Variants in ULK2 observed in about 807,000 individuals in gnomAD.
ULK2 encodes serine/threonine-protein kinase ULK2.
ULK2 carries 76 observed loss-of-function variants against 127.5 expected under a neutral mutation model. The ratio of observed to expected loss-of-function variants is 0.60; its 90% CI spans 0.50 to 0.72. The LOEUF (loss-of-function observed/expected upper bound fraction) is 0.72. Ranked by LOEUF, ULK2 falls within the 30% of genes least tolerant of loss-of-function variation. The pLI is 0.00. For synonymous variants in ULK2, 452 were observed against 461.9 expected, an observed-to-expected ratio of 0.98 and a Z score of 0.28; for missense variants, 1,144 against 1,295.9, an observed-to-expected ratio of 0.88 and a Z score of 1.80.
chr17:19,854,123 C>T (rs1396445346), intron 3 of ULK2, among the ~76,000 whole-genome samples: 6 of 151,862 alleles, frequency 4.0e-5, no homozygotes, highest in Non-Finnish European at 8.8e-5. Flanking sequence ...ACTAAAAACA[C>T]AAAAATTAGC....
intron 1 of ULK2, among the ~76,000 whole-genome samples, chr17:19,867,086 G>A (rs967705187): frequency 1.4e-4 from 21 of 152,296 alleles, no homozygotes; most frequent in African/African-American, 5.1e-4. Context: ...ACCGCGGGGT[G>A]GGCCCCGGGC....
In ULK2 at chr17:19,867,855, C is replaced by G. The variant is rs1326290029; in HGVS notation, c.-438G>C. Reference sequence around the variant, plus strand: ...GACGGCGACGGCCGCCGCCCTAGAACCCGCACCGCCGCGGCCCCGCGCTTC... The same window carrying G: ...GACGGCGACGGCCGCCGCCCTAGAAGCCGCACCGCCGCGGCCCCGCGCTTC... On this transcript the variant is annotated 5_prime_UTR_variant, in exon 1 of 27. Transcript: ENST00000395544. 7.3e-5 allele frequency: 11 copies of G among 150,994 alleles called. No homozygotes were observed. Among genetic ancestry groups the G allele is most frequent in the Admixed American group, 5.9e-4 (9 of 15,162 alleles). The allele number at this position is 150,994 out of a possible 1,614,324, so 9.4% of individuals were successfully genotyped here.
intron 9 of ULK2, among the ~76,000 whole-genome samples, chr17:19,839,427 G>A (rs2041681262): frequency 6.6e-6 from 1 of 152,102 alleles, no homozygotes; most frequent in African/African-American, 2.4e-5. Context: ...CACTTTGGGA[G>A]GCCAAGGCAG....
intron 13 of ULK2, among the ~76,000 whole-genome samples, chr17:19,815,231 G>A (rs1253348947): frequency 6.6e-6 from 1 of 152,012 alleles, no homozygotes; most frequent in Non-Finnish European, 1.5e-5. Flanking sequence ...AGGCACTTTA[G>A]CTGTACTTAA....
intron 16 of ULK2, 119 bp from the exon 17 acceptor site, chr17:19,799,694 T>A: frequency 1.1e-6 from 1 of 943,824 alleles, no homozygotes; most frequent in Non-Finnish European, 1.5e-6. Flanking sequence ...TAGAAAATTT[T>A]AAGTAACAAA....
intron 10 of ULK2, among the ~76,000 whole-genome samples, chr17:19,826,822 C>A (rs556121778): frequency 2.6e-5 from 4 of 151,940 alleles, no homozygotes; most frequent in Admixed American, 6.6e-5. Context: ...CTGGGCATGG[C>A]GGCCGGCGCC....
At chr17:19,846,109 G>C (rs112659386) in intron 6 of ULK2, among the ~76,000 whole-genome samples, 4 of 152,160 alleles carry the variant, frequency 2.6e-5, no homozygotes, top group African/African-American at 4.8e-5. Flanking sequence ...CTGGGTGACA[G>C]AGCGAGACTC....
rs200606104 is a variant in ULK2, at chr17:19,840,221, G to A, written c.704+1268C>T. 21 of 503,024 alleles carry A rather than the reference G, an allele frequency of 4.2e-5. No individual in the cohort carries two copies. The East Asian group carries it at 4.5e-4, about 11-fold the overall frequency. 31.2% of individuals were successfully genotyped at this position (503,024 alleles called of 1,614,324 possible). ...ACATATCTCCGGACACCCGACGGGC[G>A]CAAGTTGAGCAGTTGGCCATAAGAG... On this transcript the variant is annotated intron_variant, in intron 9 of 26. Transcript: ENST00000395544.
chr17:19,866,217 G>A (rs987574179), intron 1 of ULK2, among the ~76,000 whole-genome samples: 10 of 152,198 alleles, frequency 6.6e-5, no homozygotes, highest in African/African-American at 2.2e-4. Flanking sequence ...AAAGTAGGCC[G>A]GGAGCCGTGG....
At chr17:19,777,076 T>C (rs1238045525) in intron 26 of ULK2, among the ~76,000 whole-genome samples, 2 of 152,146 alleles carry the variant, frequency 1.3e-5, no homozygotes, top group Non-Finnish European at 2.9e-5. Context: ...TATCTATGTA[T>C]GTATCTACCT....
rs763275723 is a variant in ULK2, at chr17:19,845,357, A to G, written c.490T>C (p.Tyr164His). ...IKIADFGFAR[Y>H]LHSNMMAATL... ...GCAGCCATCATGTTACTATGTAGGT[A>G]ACGAGCAAAACCAAAATCCGCTATT... The change falls in exon 7 of 27, where the codon TAC becomes CAC. Residue 164 changes from tyrosine (Y) to histidine (H), a missense_variant. Around this residue, in one of 2 missense-constraint regions of ULK2, gnomAD observed 231 missense variants for 325.4 expected, o/e 0.71. Coordinates refer to ENST00000395544, the MANE Select transcript of ULK2 (RefSeq NM_014683.4). The G allele has an allele frequency of 5.6e-6, 9 of 1,614,016 alleles. No individual in the cohort carries two copies. The East Asian group carries it at 2.0e-4, about 36-fold the overall frequency.
chr17:19,845,208 T>TA, intron 7 of ULK2, 96 bp downstream of exon 7: 1 of 1,099,002 alleles, frequency 9.1e-7, no homozygotes, highest in Non-Finnish European at 1.4e-6. Context: ...GGACTATATG[T>TA]AAAATCACAT....
intron 8 of ULK2, 140 bp from the exon 9 acceptor site, chr17:19,841,687 G>C: frequency 1.7e-6 from 1 of 594,414 alleles, no homozygotes; most frequent in Non-Finnish European, 2.8e-6. Flanking sequence ...AGGAAAGGAG[G>C]GAAAGTATGA....
At chr17:19,857,621 A>T (rs1489458373) in intron 3 of ULK2, among the ~76,000 whole-genome samples, 1 of 152,244 alleles carries the variant, frequency 6.6e-6, no homozygotes, top group Non-Finnish European at 1.5e-5. Flanking sequence ...TAGATATTTA[A>T]CCAGGCCACT....
At chr17:19,801,058 C>T (rs754442137) in intron 16 of ULK2, among the ~76,000 whole-genome samples, 4 of 152,092 alleles carry the variant, frequency 2.6e-5, no homozygotes, top group Non-Finnish European at 5.9e-5. Flanking sequence ...CACATGCCTA[C>T]CAGAACTGGA....
At chr17:19,814,294 T>C (rs1275524063) in intron 13 of ULK2, among the ~76,000 whole-genome samples, 2 of 150,784 alleles carry the variant, frequency 1.3e-5, no homozygotes, top group African/African-American at 2.4e-5. Flanking sequence ...TAGGGCAGCA[T>C]GACAGAGAAT....
chr17:19,776,436 C>T, intron 26 of ULK2, 29 bp from the exon 27 acceptor site: 3 of 1,547,760 alleles, frequency 1.9e-6, no homozygotes, highest in Admixed American at 2.0e-5. Flanking sequence ...AAATGAAGAA[C>T]TAATGAAAAA....
rs1567708390 is a variant in ULK2 at position 19,829,549 on chromosome 17, G to GGGGGC, written c.788-3364_788-3363insGCCCC. Reference sequence around the variant, plus strand: ...GAGACCCTGTCAAGGAAAAAAAAAAGGGGGGGGGCTGGGCACGGTAGCTCA... The same window carrying GGGGGC: ...GAGACCCTGTCAAGGAAAAAAAAAAGGGGGCGGGGGGGGCTGGGCACGGTAGCTCA... On this transcript the variant is annotated intron_variant, in intron 10 of 26. Transcript: ENST00000395544. Among the ~76,000 whole-genome samples the GGGGGC allele has an allele frequency of 2.6e-3, 32 of 12,486 alleles. 2 individuals are homozygous for GGGGGC. Among genetic ancestry groups the GGGGGC allele is most frequent in the African/African-American group, 7.1e-3 (27 of 3,784 alleles). The allele number at this position is 12,486 out of a possible 152,430, so 8.2% of individuals were successfully genotyped here. A position where few individuals can be genotyped will look rare whatever the true frequency, so the allele number is the denominator to read the frequency against.
chr17:19,833,183 T>C (rs1597786269), intron 10 of ULK2, among the ~76,000 whole-genome samples: 2 of 137,154 alleles, frequency 1.5e-5, no homozygotes, highest in African/African-American at 2.8e-5. Context: ...AGGGGGAGGG[T>C]TCAAATCTAA....
Sources: gnomAD v4.1 joint callset for allele counts (sites outside exome capture counted in the v4.1 genomes callset) on GRCh38, gnomAD v4.1.1 for gene constraint, gnomAD v4.1.1 regional missense constraint, MANE v1.5 for transcripts, NCBI Gene and HGNC (gene_info 2026-07-23, HGNC 2026-07-21) for gene names.